Variants in LRP1B observed in about 807,000 individuals in gnomAD.
LRP1B encodes the protein low-density lipoprotein receptor-related protein 1B.
A neutral mutation model predicts 556.6 loss-of-function variants in LRP1B; 217 were observed. The observed-to-expected ratio is 0.39, with a 90% confidence interval of 0.35 to 0.44. The LOEUF (loss-of-function observed/expected upper bound fraction) is 0.44, where lower values mean the gene tolerates loss of function less well. LRP1B is among the 20% of genes least tolerant of loss of function. LRP1B has a pLI of 1.00. For synonymous variants in LRP1B, 2,047 were observed against 1,865.8 expected, an observed-to-expected ratio of 1.10 and a Z score of -2.50; for missense variants, 5,053 against 5,620.8, an observed-to-expected ratio of 0.90 and a Z score of 3.23.
Position 140,478,913 on chromosome 2 carries a change from T to C in LRP1B, c.9426-3576A>G, listed in dbSNP as rs555458473. On this transcript the variant is annotated intron_variant, in intron 59 of 90. Transcript: ENST00000389484. ...CTTAAATAGGAAATATGCATATTAA[T>C]ATATTTTTAGTTTAGTAATACTCTC... 1.8e-4 allele frequency among the ~76,000 whole-genome samples: 27 copies of C among 152,288 alleles called. 1 individual carries two copies. The South Asian group carries it at 5.2e-3, about 29-fold the overall frequency.
rs570880019 is a variant in LRP1B at position 141,506,444 on chromosome 2, C to G, written c.206-25911G>C. 4.6e-5 allele frequency among the ~76,000 whole-genome samples: 7 copies of G among 152,174 alleles called. No individual in the cohort carries two copies. The East Asian group carries it at 1.4e-3, about 29-fold the overall frequency. On this transcript the variant is annotated intron_variant, in intron 2 of 90. Coordinates refer to ENST00000389484, the MANE Select transcript of LRP1B (RefSeq NM_018557.3). ...AGAAAAACAACAGAAGTGTTAATTA[C>G]CTATGCAATTAGAGTGGCTTATACG...
At chr2:141,305,006 A>C (rs1219700056) in intron 3 of LRP1B, among the ~76,000 whole-genome samples, 2 of 152,112 alleles carry the variant, frequency 1.3e-5, no homozygotes, top group Non-Finnish European at 2.9e-5. Context: ...CTATATTTTG[A>C]AGACAGGTAA....
At chr2:140,404,240 T>C (rs962688672) in intron 66 of LRP1B, among the ~76,000 whole-genome samples, 7 of 146,676 alleles carry the variant, frequency 4.8e-5, no homozygotes, top group African/African-American at 1.8e-4. Flanking sequence ...AGTGGCGCTA[T>C]CTCGGCTCGC....
intron 3 of LRP1B, among the ~76,000 whole-genome samples, chr2:141,397,357 T>A (rs1383875982): frequency 2.0e-5 from 3 of 151,928 alleles, no homozygotes; most frequent in Non-Finnish European, 4.4e-5. Flanking sequence ...TACCTATATT[T>A]CCATTCTATT....
At position 140,404,488 on chromosome 2, in the gene LRP1B, A is replaced by G. The variant is rs550590259; in HGVS notation, c.10415-18479T>C. ...TGCCTGGCCAGTAGAACTTCTTAAA[A>G]GCATAATTCACAGGGTTTATAAAAC... On this transcript the variant is annotated intron_variant, in intron 66 of 90. Coordinates refer to ENST00000389484, the MANE Select transcript of LRP1B (RefSeq NM_018557.3). Among the ~76,000 whole-genome samples the G allele has an allele frequency of 1.4e-4, 21 of 152,134 alleles. No individual in the cohort carries two copies. In the South Asian group the frequency reaches 4.4e-3, roughly 32 times the overall value.
intron 84 of LRP1B, among the ~76,000 whole-genome samples, chr2:140,279,041 C>T (rs796786740): frequency 3.6e-4 from 54 of 151,996 alleles, no homozygotes; most frequent in African/African-American, 1.3e-3. Context: ...TATTCTTCGA[C>T]GTTTATGTAA....
intron 16 of LRP1B, chr2:140,992,481 G>A (rs1365198188): frequency 6.6e-6 from 1 of 152,030 alleles, no homozygotes; most frequent in African/African-American, 2.4e-5. Flanking sequence ...CTCTGCTCAG[G>A]CATTTAAAGT....
At chr2:141,563,905 C>T (rs1358323760) in intron 2 of LRP1B, among the ~76,000 whole-genome samples, 2 of 151,876 alleles carry the variant, frequency 1.3e-5, no homozygotes, top group Non-Finnish European at 2.9e-5. Context: ...GAAAGCTAAC[C>T]GTTGGGTACT....
chr2:140,398,291 G>T (rs1023915839), intron 66 of LRP1B, among the ~76,000 whole-genome samples: 5 of 151,954 alleles, frequency 3.3e-5, no homozygotes, highest in African/African-American at 4.8e-5. Context: ...AAAACCCAAG[G>T]AAAGGGGAGA....
chr2:141,758,832 A>G (rs555919220), intron 2 of LRP1B, among the ~76,000 whole-genome samples: 31 of 152,242 alleles, frequency 2.0e-4, no homozygotes, highest in African/African-American at 7.5e-4. Context: ...TATTTTGAAG[A>G]AAAGTACTAA....
intron 43 of LRP1B, among the ~76,000 whole-genome samples, chr2:140,571,623 A>G (rs1681324580): frequency 2.3e-4 from 1 of 4,314 alleles, no homozygotes; most frequent in African/African-American, 2.9e-4. Flanking sequence ...TCAAAATACC[A>G]ATGACATTTT....
At chr2:141,968,587 GCA>G (rs1195274253) in intron 1 of LRP1B, among the ~76,000 whole-genome samples, 1 of 151,480 alleles carries the variant, frequency 6.6e-6, no homozygotes. Flanking sequence ...TCTATTCTAA[GCA>G]CAGAGTACAC....
intron 2 of LRP1B, among the ~76,000 whole-genome samples, chr2:141,619,506 T>C (rs1688427184): frequency 6.6e-6 from 1 of 152,236 alleles, no homozygotes; most frequent in Non-Finnish European, 1.5e-5. Context: ...AAGGTGATTC[T>C]GCAATTCAAT....
rs1326186750 is a variant in LRP1B at position 140,701,752 on chromosome 2, C to T, written c.6396G>A (p.Glu2132=). 6.2e-7 allele frequency: 1 copy of T among 1,612,730 alleles called. No individual in the cohort carries two copies. Among genetic ancestry groups the T allele is most frequent in the Non-Finnish European group, 8.5e-7 (1 of 1,179,272 alleles). Residue 2132 remains glutamate, a synonymous_variant, in exon 40 of 91, where the codon GAG becomes GAA. Transcript: ENST00000389484. ...MRTGLGVNLK[E]VKIFNRVREK... ...CTCTTACTCGGTTAAATATTTTAACCTCCTTCAGGTTGACTCCAAGGCCGG... is the reference window on the plus strand; with the variant it reads ...CTCTTACTCGGTTAAATATTTTAACTTCCTTCAGGTTGACTCCAAGGCCGG...
rs71391645 is a variant in LRP1B at position 141,112,071 on chromosome 2, T to TAATAAATA, written c.1014-49806_1014-49799dup. ...AAAAATAAATAAATAAATAAATAAA[T>TAATAAATA]AATAAATAAATAAATAAATAAATAA... is the stretch of plus-strand genomic sequence containing the variant. On this transcript the variant is annotated intron_variant, in intron 7 of 90. Transcript: ENST00000389484. Among the ~76,000 whole-genome samples the TAATAAATA allele has an allele frequency of 1.6e-3, 229 of 145,810 alleles. 1 individual carries two copies. The highest frequency in any genetic ancestry group is 9.3e-3 in the South Asian group (43 of 4,638).
chr2:140,542,726 A>C (rs1680183153), intron 43 of LRP1B, among the ~76,000 whole-genome samples: 1 of 152,126 alleles, frequency 6.6e-6, no homozygotes, highest in African/African-American at 2.4e-5. Context: ...CCATGAATAA[A>C]AGTTACGGGA....
At chr2:141,527,762 G>C in intron 2 of LRP1B, among the ~76,000 whole-genome samples, 1 of 152,044 alleles carries the variant, frequency 6.6e-6, no homozygotes, top group East Asian at 1.9e-4. Flanking sequence ...TTCTTACAAG[G>C]ACCAAACTTA....
intron 1 of LRP1B, among the ~76,000 whole-genome samples, chr2:141,920,547 A>G (rs560606896): frequency 2.9e-4 from 44 of 152,088 alleles, no homozygotes; most frequent in African/African-American, 8.7e-4. Context: ...GGTTATTATC[A>G]CTGGTAATTG....
intron 3 of LRP1B, among the ~76,000 whole-genome samples, chr2:141,464,606 A>ATATATATATATATAT: frequency 1.1e-5 from 1 of 90,542 alleles, no homozygotes; most frequent in Admixed American, 1.2e-4. Flanking sequence ...ATATATATAT[A>ATATATATATATATAT]TTTTTTTAGT....
Sources: gnomAD v4.1 joint callset for allele counts (sites outside exome capture counted in the v4.1 genomes callset) on GRCh38, gnomAD v4.1.1 for gene constraint, MANE v1.5 for transcripts, NCBI Gene and HGNC (gene_info 2026-07-23, HGNC 2026-07-21) for gene names.